Variants in PTPRG observed in about 807,000 individuals in gnomAD.
PTPRG encodes the protein protein tyrosine phosphatase receptor type G.
A neutral mutation model predicts 165.3 loss-of-function variants in PTPRG; 102 were observed. The ratio of observed to expected loss-of-function variants is 0.62; its 90% CI spans 0.53 to 0.73. The LOEUF (loss-of-function observed/expected upper bound fraction) is 0.73, where lower values mean the gene tolerates loss of function less well. Among genes scored for constraint, PTPRG ranks in the 30% least tolerant of loss-of-function variants. The pLI is 0.00. For missense variants in PTPRG, 1,866 were observed against 1,861.4 expected (o/e 1.00, Z -0.05); for synonymous variants, 675 against 669.5 (o/e 1.01, Z -0.13).
intron 2 of PTPRG, among the ~76,000 whole-genome samples, chr3:61,936,451 G>A (rs901467403): frequency 2.6e-5 from 4 of 152,160 alleles, no homozygotes; most frequent in African/African-American, 9.7e-5. Context: ...CTTTGACCAG[G>A]TGGGACCATG....
At chr3:61,590,075 G>T (rs1160167512) in intron 1 of PTPRG, among the ~76,000 whole-genome samples, 1 of 152,074 alleles carries the variant, frequency 6.6e-6, no homozygotes, top group Non-Finnish European at 1.5e-5. Flanking sequence ...CTTTGGAAAT[G>T]CCTAGAGCTT....
intron 2 of PTPRG, among the ~76,000 whole-genome samples, chr3:61,976,461 G>C (rs946662790): frequency 6.6e-6 from 1 of 152,184 alleles, no homozygotes; most frequent in South Asian, 2.1e-4. Context: ...TGGAAGAGTT[G>C]TATAAACTTG....
chr3:61,907,551 G>A (rs187363348), intron 2 of PTPRG, among the ~76,000 whole-genome samples: 26 of 152,296 alleles, frequency 1.7e-4, no homozygotes, highest in Non-Finnish European at 3.4e-4. Context: ...TGTGCTGAAG[G>A]GGATTGCAGA....
Position 62,203,976 on chromosome 3 carries a change from G to T in PTPRG, c.2155+26G>T. The T allele has an allele frequency of 3.3e-6, 5 of 1,526,550 alleles. No homozygotes were observed. Among genetic ancestry groups the T allele is most frequent in the South Asian group, 1.3e-5 (1 of 77,600 alleles). The allele number at this position is 1,526,550 out of a possible 1,614,324, so 94.6% of individuals were successfully genotyped here. Reference sequence around the variant, plus strand: ...GTAAGTGGTGCAGGTCTTCTTCGAGGGTTCCTGCTCCTGTGAATAGTCGTA... The same window carrying T: ...GTAAGTGGTGCAGGTCTTCTTCGAGTGTTCCTGCTCCTGTGAATAGTCGTA... On this transcript the variant is annotated intron_variant, in intron 12 of 29. Coordinates refer to ENST00000474889, the MANE Select transcript of PTPRG (RefSeq NM_002841.4). This position sits in a 1 kb window ranked among gnomAD's most constrained non-coding sequence, Gnocchi z 6.4.
At chr3:61,622,295 A>G (rs532379081) in intron 1 of PTPRG, among the ~76,000 whole-genome samples, 2 of 152,314 alleles carry the variant, frequency 1.3e-5, no homozygotes, top group African/African-American at 4.8e-5. Flanking sequence ...GTTGCATCAG[A>G]AGACTTGCTT....
chr3:61,617,234 A>G (rs1006450400), intron 1 of PTPRG, among the ~76,000 whole-genome samples: 4 of 152,222 alleles, frequency 2.6e-5, no homozygotes, highest in East Asian at 3.9e-4. Flanking sequence ...GACAGGGCCA[A>G]TTACCCAGTC....
rs58097355 is a variant in PTPRG at position 61,813,543 on chromosome 3, CTGTGTGTGTGTGTGTGTGTG to C, written c.190+64591_190+64610del. ...AAAAAAAAAAAAGAAAAAAGAAAAT[CTGTGTGTGTGTGTGTGTGTG>C]TGTGTGTGTGTGTGTGTGTGTGTGT... is the stretch of plus-strand genomic sequence containing the variant. On this transcript the variant is annotated intron_variant, in intron 2 of 29. Transcript: ENST00000474889. 9.0e-3 allele frequency among the ~76,000 whole-genome samples: 1,047 copies of C among 116,910 alleles called. 16 individuals are homozygous for C. Among genetic ancestry groups the C allele is most frequent in the African/African-American group, 0.022 (681 of 30,614 alleles). The allele number at this position is 116,910 out of a possible 152,430, so 76.7% of individuals were successfully genotyped here.
intron 1 of PTPRG, among the ~76,000 whole-genome samples, chr3:61,727,427 T>G (rs755540249): frequency 6.6e-6 from 1 of 152,152 alleles, no homozygotes; most frequent in Non-Finnish European, 1.5e-5. Flanking sequence ...TTTGGGATTA[T>G]GGGCATGACC....
chr3:62,185,703 A>G (rs1705851887), intron 8 of PTPRG, among the ~76,000 whole-genome samples: 1 of 152,222 alleles, frequency 6.6e-6, no homozygotes, highest in South Asian at 2.1e-4. Context: ...CCATATTTAT[A>G]TGTAAAATAT....
At chr3:62,001,203 G>A (rs1027626513) in intron 3 of PTPRG, among the ~76,000 whole-genome samples, 9 of 152,176 alleles carry the variant, frequency 5.9e-5, no homozygotes, top group African/African-American at 2.2e-4. Context: ...ATTTTTGGAA[G>A]GGGTGGGTGG....
chr3:61,629,496 G>C (rs1701708448), intron 1 of PTPRG, among the ~76,000 whole-genome samples: 1 of 152,108 alleles, frequency 6.6e-6, no homozygotes, highest in Non-Finnish European at 1.5e-5. Context: ...GGGTAAAAGA[G>C]GGTCCTAGGA....
chr3:62,276,858 T>G (rs1702248295), intron 24 of PTPRG, 114 bp from the exon 25 acceptor site: 3 of 771,972 alleles, frequency 3.9e-6, no homozygotes, highest in Non-Finnish European at 6.5e-6. Context: ...TAGATAAGTC[T>G]TAGAAAGGGA....
At chr3:61,983,022 T>C (rs1220033280) in intron 2 of PTPRG, among the ~76,000 whole-genome samples, 1 of 152,208 alleles carries the variant, frequency 6.6e-6, no homozygotes, top group Non-Finnish European at 1.5e-5. Context: ...ATTTCATTAT[T>C]TGCAAAGTAA....
chr3:62,125,878 G>A (rs532891467), intron 5 of PTPRG, among the ~76,000 whole-genome samples: 2 of 152,008 alleles, frequency 1.3e-5, no homozygotes, highest in Non-Finnish European at 2.9e-5. Flanking sequence ...TTGAAATGCT[G>A]TAAAGCCTTT....
chr3:62,054,465 C>T (rs1274898953), intron 4 of PTPRG, among the ~76,000 whole-genome samples: 3 of 152,128 alleles, frequency 2.0e-5, no homozygotes, highest in East Asian at 3.9e-4. Flanking sequence ...TGTTTTCTAA[C>T]ACTGGTTGGG....
chr3:62,258,406 C>T (rs1701600162), intron 16 of PTPRG, among the ~76,000 whole-genome samples: 1 of 152,138 alleles, frequency 6.6e-6, no homozygotes, highest in African/African-American at 2.4e-5. Flanking sequence ...CCAGAGTGTA[C>T]ACAACCAAAA....
At chr3:61,632,059 C>T (rs1701787059) in intron 1 of PTPRG, among the ~76,000 whole-genome samples, 1 of 152,264 alleles carries the variant, frequency 6.6e-6, no homozygotes, top group Non-Finnish European at 1.5e-5. Context: ...AATCCTAACA[C>T]TTTGGGAGGC....
chr3:62,262,592 G>C, intron 16 of PTPRG: 1 of 420,500 alleles, frequency 2.4e-6, no homozygotes, highest in Non-Finnish European at 4.2e-6. Flanking sequence ...GATGATTGAT[G>C]AAATAGTAAA....
chr3:61,700,508 C>T (rs907557724), intron 1 of PTPRG, among the ~76,000 whole-genome samples: 5 of 152,168 alleles, frequency 3.3e-5, no homozygotes, highest in Admixed American at 6.5e-5. Context: ...AAATTGGGCT[C>T]AGTGAATTCC....
Sources: allele counts gnomAD v4.1 joint callset (sites outside exome capture counted in the v4.1 genomes callset), GRCh38; gene constraint gnomAD v4.1.1; non-coding constraint Gnocchi (gnomAD v3.1); transcripts MANE v1.5; gene names NCBI Gene and HGNC (gene_info 2026-07-23, HGNC 2026-07-21).